The following GFOD1 variants were observed in gnomAD, a reference collection of about 807,000 sequenced individuals.
GFOD1 encodes the protein glucose-fructose oxidoreductase domain-containing protein 1.
GFOD1 carries 9 observed loss-of-function variants against 25.4 expected under a neutral mutation model. The observed-to-expected ratio is 0.35, with a 90% confidence interval of 0.21 to 0.62. GFOD1 has a LOEUF of 0.62. Among genes scored for constraint, GFOD1 ranks in the 20% least tolerant of loss-of-function variants. The pLI is 0.72. For missense variants in GFOD1, 403 were observed against 556.9 expected (o/e 0.72, Z 2.78); for synonymous variants, 253 against 245.6 (o/e 1.03, Z -0.28).
intron 1 of GFOD1, among the ~76,000 whole-genome samples, chr6:13,449,628 C>T (rs1012669697): frequency 2.6e-5 from 4 of 152,112 alleles, no homozygotes; most frequent in East Asian, 3.8e-4. Context: ...ATCATCGGGG[C>T]GGTTTCCCCC....
Position 13,409,174 on chromosome 6 carries a change from A to AAAG in GFOD1, c.254-43513_254-43512insCTT, listed in dbSNP as rs1562209532. Among the ~76,000 whole-genome samples, 16 of 54,066 alleles carry AAAG rather than the reference A, an allele frequency of 3.0e-4. 2 individuals are homozygous for AAAG. Among genetic ancestry groups the AAAG allele is most frequent in the African/African-American group, 9.4e-4 (15 of 15,998 alleles). The allele number at this position is 54,066 out of a possible 152,430, so 35.5% of individuals were successfully genotyped here. On this transcript the variant is annotated intron_variant, in intron 1 of 1. Coordinates refer to ENST00000379287, the MANE Select transcript of GFOD1 (RefSeq NM_018988.4). The stretch of plus-strand genomic sequence containing the variant: ...GAGAGGAAAGAAAGAAAGGAAAGAG[A>AAAG]GAGAGAGAGAGAAAGAAAGAAAGAA...
intron 1 of GFOD1, among the ~76,000 whole-genome samples, chr6:13,467,326 T>C (rs1474569254): frequency 2.0e-5 from 3 of 152,140 alleles, no homozygotes; most frequent in Admixed American, 1.3e-4. Context: ...GGTAACGAAA[T>C]GAAAGTCTAG....
In GFOD1 at chr6:13,428,810, T is replaced by C. The variant is rs571227856; in HGVS notation, c.253+57828A>G. On this transcript the variant is annotated intron_variant, in intron 1 of 1. Transcript: ENST00000379287. ...CGGCTGTGAGCTGAAAGAGCTCCCT[T>C]TGGCCCTCCATCAGAAGCGGACTTT... is the stretch of plus-strand genomic sequence containing the variant. Among the ~76,000 whole-genome samples, 5 of 152,272 alleles carry C rather than the reference T, an allele frequency of 3.3e-5. No individual in the cohort carries two copies. In the South Asian group the frequency reaches 6.2e-4, roughly 19 times the overall value.
At chr6:13,470,294 G>A in intron 1 of GFOD1, 1 of 1,586,664 alleles carries the variant, frequency 6.3e-7, no homozygotes, top group Non-Finnish European at 8.6e-7. Flanking sequence ...AGCAGGCTGT[G>A]GCTGGAGGCC....
rs1354578104 is a variant in GFOD1 at position 13,430,425 on chromosome 6, A to G, written c.253+56213T>C. Among the ~76,000 whole-genome samples the G allele has an allele frequency of 1.3e-5, 2 of 152,158 alleles. No homozygotes were observed. Among genetic ancestry groups the G allele is most frequent in the African/African-American group, 4.8e-5 (2 of 41,430 alleles). ...GCACTCCAGCCTGGGTGACAGAACG[A>G]GACTCCACCTCAAAATAAATAAATA... On this transcript the variant is annotated intron_variant, in intron 1 of 1. Transcript: ENST00000379287. This position sits in a 1 kb window ranked among gnomAD's most constrained non-coding sequence, Gnocchi z 4.1.
intron 1 of GFOD1, among the ~76,000 whole-genome samples, chr6:13,416,740 C>G (rs1786169764): frequency 6.6e-6 from 1 of 152,176 alleles, no homozygotes; most frequent in African/African-American, 2.4e-5. Flanking sequence ...TAATTATTCA[C>G]AATAAAAATT....
chr6:13,455,140 A>G lies in GFOD1; in HGVS notation c.253+31498T>C, dbSNP rs949352401. Among the ~76,000 whole-genome samples, 4 of 152,208 alleles carry G rather than the reference A, an allele frequency of 2.6e-5. No homozygotes were observed. The South Asian group carries it at 6.2e-4, about 24-fold the overall frequency. ...AACACACACACCCACACACGCACACACACTGGCTCTTGTCCCTGTAAGAAC... is the reference window on the plus strand; with the variant it reads ...AACACACACACCCACACACGCACACGCACTGGCTCTTGTCCCTGTAAGAAC... On this transcript the variant is annotated intron_variant, in intron 1 of 1. Transcript: ENST00000379287.
chr6:13,395,283 C>G (rs1785705477), intron 1 of GFOD1, among the ~76,000 whole-genome samples: 1 of 152,178 alleles, frequency 6.6e-6, no homozygotes. Context: ...GAGGGACAGG[C>G]TGGATTAAAC....
chr6:13,449,789 C>T (rs1219033226), intron 1 of GFOD1, among the ~76,000 whole-genome samples: 1 of 152,204 alleles, frequency 6.6e-6, no homozygotes, highest in Non-Finnish European at 1.5e-5. Flanking sequence ...TCCCCAGCCA[C>T]ATGGAACTGT....
chr6:13,365,379 G>A lies in GFOD1; in HGVS notation c.537C>T (p.Tyr179=), dbSNP rs541127178. The A allele has an allele frequency of 6.2e-7, 1 of 1,614,132 alleles. No individual in the cohort carries two copies. Among genetic ancestry groups the A allele is most frequent in the South Asian group, 1.1e-5 (1 of 91,088 alleles). ...TGAGGAAGGTGAGCAGGTCGATGAT[G>A]TAGGTGCCCACGGAGTGCAGGCCGC... The part of the protein sequence containing the change: ...GGGGLHSVGT[Y]IIDLLTFLTG... Residue 179 remains tyrosine (Y), a synonymous_variant, in exon 2 of 2, where the codon TAC becomes TAT. Coordinates refer to ENST00000379287, the MANE Select transcript of GFOD1 (RefSeq NM_018988.4). The surrounding 1 kb of genome is among the most constrained non-coding windows in gnomAD (Gnocchi z 9.2).
chr6:13,419,024 G>A (rs1041615099), intron 1 of GFOD1, among the ~76,000 whole-genome samples: 2 of 152,232 alleles, frequency 1.3e-5, no homozygotes, highest in African/African-American at 4.8e-5. Context: ...GGGAGCCCCA[G>A]CAGGTGGTTC....
At chr6:13,485,455 G>A (rs1274490816) in intron 1 of GFOD1, among the ~76,000 whole-genome samples, 1 of 152,186 alleles carries the variant, frequency 6.6e-6, no homozygotes, top group Non-Finnish European at 1.5e-5. Flanking sequence ...CTGGTTATAA[G>A]CTTTGTTCTT....
chr6:13,438,635 A>T (rs185293667), intron 1 of GFOD1, among the ~76,000 whole-genome samples: 1 of 152,192 alleles, frequency 6.6e-6, no homozygotes, highest in African/African-American at 2.4e-5. Flanking sequence ...TATTATTTAT[A>T]TCATCTCTAA....
In GFOD1 at chr6:13,365,701, C is replaced by A; in HGVS notation, c.254-39G>T. The A allele has an allele frequency of 7.0e-7, 1 of 1,429,718 alleles. No homozygotes were observed. Among genetic ancestry groups the A allele is most frequent in the South Asian group, 1.2e-5 (1 of 85,648 alleles). 88.6% of individuals were successfully genotyped at this position (1,429,718 alleles called of 1,614,324 possible). Reference sequence around the variant, plus strand: ...GAAGACAGCGGTCAGCGGGGCAGGACCATGTCCGAGCGCGCGTCCCTGGGT... The same window carrying A: ...GAAGACAGCGGTCAGCGGGGCAGGAACATGTCCGAGCGCGCGTCCCTGGGT... On this transcript the variant is annotated intron_variant, in intron 1 of 1. Coordinates refer to ENST00000379287, the MANE Select transcript of GFOD1 (RefSeq NM_018988.4). This position sits in a 1 kb window ranked among gnomAD's most constrained non-coding sequence, Gnocchi z 9.2.
intron 1 of GFOD1, among the ~76,000 whole-genome samples, chr6:13,380,994 A>C (rs767152306): frequency 6.6e-6 from 1 of 152,204 alleles, no homozygotes. Context: ...TCCAAGGGAC[A>C]GTGCTTAATG....
intron 1 of GFOD1, among the ~76,000 whole-genome samples, chr6:13,387,768 G>A (rs1442205361): frequency 6.6e-6 from 1 of 152,178 alleles, no homozygotes; most frequent in East Asian, 1.9e-4. Context: ...TTCTGGCCAG[G>A]GCATCAGGCA....
intron 1 of GFOD1, among the ~76,000 whole-genome samples, chr6:13,427,565 C>A (rs914945416): frequency 6.6e-6 from 1 of 152,062 alleles, no homozygotes; most frequent in African/African-American, 2.4e-5. Flanking sequence ...GCAGGAGGAT[C>A]GCGTGAGCCC....
At chr6:13,419,134 C>T (rs537665282) in intron 1 of GFOD1, among the ~76,000 whole-genome samples, 1 of 152,294 alleles carries the variant, frequency 6.6e-6, no homozygotes, top group South Asian at 2.1e-4. Flanking sequence ...CCATATTGGA[C>T]TTCCACTGCA....
intron 1 of GFOD1, among the ~76,000 whole-genome samples, chr6:13,416,226 A>G (rs746993945): frequency 2.0e-5 from 3 of 152,234 alleles, no homozygotes; most frequent in African/African-American, 7.2e-5. Flanking sequence ...CTCATTGGCC[A>G]TGAAGAACTG....
Sources: allele counts gnomAD v4.1 joint callset (sites outside exome capture counted in the v4.1 genomes callset), GRCh38; gene constraint gnomAD v4.1.1; non-coding constraint Gnocchi (gnomAD v3.1); transcripts MANE v1.5; gene names NCBI Gene and HGNC (gene_info 2026-07-23, HGNC 2026-07-21).